The following GTF2H3 variants were observed in gnomAD, a reference collection of about 807,000 sequenced individuals.
GTF2H3 encodes general transcription factor IIH subunit 3.
In GTF2H3, 42 loss-of-function variants were observed where a neutral mutation model predicts 51.1. That is an observed-to-expected ratio of 0.82 (90% CI 0.64 to 1.06). The LOEUF (loss-of-function observed/expected upper bound fraction) is 1.06. Ranked by LOEUF, GTF2H3 falls within the 50% of genes least tolerant of loss-of-function variation. The pLI, the probability that GTF2H3 is intolerant of heterozygous loss-of-function variation, is 0.00. For synonymous variants in GTF2H3, 123 were observed against 123.8 expected (o/e 0.99, Z 0.04); for missense variants, 326 against 366.1 (o/e 0.89, Z 0.89).
At chr12:123,639,515 A>G (rs368441547) in intron 2 of GTF2H3, among the ~76,000 whole-genome samples, 172 bp downstream of exon 2, 1 of 152,098 alleles carries the variant, frequency 6.6e-6, no homozygotes, top group Non-Finnish European at 1.5e-5. Context: ...CCAGCCCCAC[A>G]TTTCTGCTTT....
At chr12:123,642,298 G>A (rs2135782780) in intron 2 of GTF2H3, among the ~76,000 whole-genome samples, 1 of 152,142 alleles carries the variant, frequency 6.6e-6, no homozygotes, top group African/African-American at 2.4e-5. Context: ...AGCCTCCCGA[G>A]TAGCTGGTAT....
Position 123,661,935 on chromosome 12 carries a change from TG to T in GTF2H3, c.*1702del, listed in dbSNP as rs1309605877. On this transcript the variant is annotated 3_prime_UTR_variant, in exon 13 of 13. Transcript: ENST00000543341. The stretch of plus-strand genomic sequence containing the variant: ...AAATTTGAGACCATCCTGCCCAACG[TG>T]GTGAAAACATGGTGAAACCCTGTCT... The T allele has an allele frequency of 3.3e-5, 5 of 151,680 alleles. No individual in the cohort carries two copies. The highest frequency in any genetic ancestry group is 7.4e-5 in the Non-Finnish European group (5 of 67,964). The allele number at this position is 151,680 out of a possible 1,614,324, so 9.4% of individuals were successfully genotyped here. A position where few individuals can be genotyped will look rare whatever the true frequency, so the allele number is the denominator to read the frequency against.
chr12:123,639,472 ATTTTT>A (rs569121685), intron 2 of GTF2H3, 129 bp downstream of exon 2: 1 of 550,362 alleles, frequency 1.8e-6, no homozygotes, highest in Non-Finnish European at 3.3e-6. Context: ...CAATTCAGTG[ATTTTT>A]TTTAAGTAAA....
chr12:123,647,382 G>A (rs11615162), intron 3 of GTF2H3, among the ~76,000 whole-genome samples: 45,593 of 151,362 alleles, frequency 0.3, 7,498 homozygotes, highest in Non-Finnish European at 0.38. Context: ...TGAGGCACGA[G>A]AATCACTTGA....
At chr12:123,652,897 G>A (rs1487981238) in intron 7 of GTF2H3, among the ~76,000 whole-genome samples, 162 bp downstream of exon 7, 3 of 152,070 alleles carry the variant, frequency 2.0e-5, no homozygotes, top group African/African-American at 7.2e-5. Context: ...GGCCAACATG[G>A]TGAAACCCCG....
At chr12:123,645,720 T>C (rs1419870963) in intron 3 of GTF2H3, among the ~76,000 whole-genome samples, 159 bp downstream of exon 3, 5 of 152,252 alleles carry the variant, frequency 3.3e-5, no homozygotes, top group South Asian at 2.1e-4. Flanking sequence ...TACATTGTGA[T>C]ATCCATGAAA....
chr12:123,634,432 C>T (rs142802285), intron 1 of GTF2H3, among the ~76,000 whole-genome samples: 2 of 152,094 alleles, frequency 1.3e-5, no homozygotes, highest in Admixed American at 1.3e-4. Context: ...CAGGGCATGA[C>T]CTCGTCAATA....
intron 5 of GTF2H3, chr12:123,651,297 G>C (rs913366863): frequency 6.1e-6 from 2 of 329,084 alleles, no homozygotes; most frequent in Non-Finnish European, 1.1e-5. Context: ...TGCAACCTTC[G>C]CCTCCCAGAT....
At chr12:123,654,367 TG>T (rs1475153854) in intron 7 of GTF2H3, among the ~76,000 whole-genome samples, 1 of 151,724 alleles carries the variant, frequency 6.6e-6, no homozygotes, top group Non-Finnish European at 1.5e-5. Flanking sequence ...TGTGTACTTT[TG>T]GGGTACGTGT....
chr12:123,650,920 C>A, intron 4 of GTF2H3, 74 bp from the exon 5 acceptor site: 1 of 913,630 alleles, frequency 1.1e-6, no homozygotes, highest in South Asian at 1.4e-5. Flanking sequence ...ATACTTAGTT[C>A]AATAAAGCAC....
At chr12:123,655,484 T>C (rs915429005) in intron 8 of GTF2H3, 6 of 377,932 alleles carry the variant, frequency 1.6e-5, no homozygotes, top group Non-Finnish European at 2.8e-5. Flanking sequence ...GCTATAGCCA[T>C]GCATAATGTT....
intron 4 of GTF2H3, chr12:123,649,186 T>TC (rs1190508339): frequency 6.6e-6 from 1 of 152,150 alleles, no homozygotes; most frequent in East Asian, 1.9e-4. Flanking sequence ...CAGGCTTGTC[T>TC]CCAACTCCTG....
At chr12:123,633,911 C>T (rs772047192) in intron 1 of GTF2H3, 39 bp downstream of exon 1, 7 of 1,608,348 alleles carry the variant, frequency 4.4e-6, no homozygotes, top group Admixed American at 1.7e-5. Context: ...CTCCGGGGCT[C>T]GGCTGTCTCG....
At chr12:123,645,874 G>T (rs1161768127) in intron 3 of GTF2H3, among the ~76,000 whole-genome samples, 1 of 152,234 alleles carries the variant, frequency 6.6e-6, no homozygotes, top group Non-Finnish European at 1.5e-5. Context: ...TTCCCATTTT[G>T]TGTCTGCCCC....
chr12:123,653,074 G>C (rs1194498212), intron 7 of GTF2H3, among the ~76,000 whole-genome samples: 2 of 151,748 alleles, frequency 1.3e-5, no homozygotes, highest in Non-Finnish European at 2.9e-5. Flanking sequence ...TAGCCTGGGT[G>C]ACAGAGTGAG....
chr12:123,655,067 C>A, intron 8 of GTF2H3, 69 bp downstream of exon 8: 1 of 1,178,628 alleles, frequency 8.5e-7, no homozygotes, highest in Admixed American at 1.7e-5. Flanking sequence ...TTTTTGAATG[C>A]TCTACTCTGA....
At position 123,652,737 on chromosome 12, in the gene GTF2H3, T is replaced by C. The variant is rs1223019644; in HGVS notation, c.486+2T>C. 1 of 1,490,654 alleles carries C rather than the reference T, an allele frequency of 6.7e-7. No individual in the cohort carries two copies. The highest frequency in any genetic ancestry group is 2.3e-5 in the Admixed American group (1 of 44,272). 92.3% of individuals were successfully genotyped at this position (1,490,654 alleles called of 1,614,324 possible). On this transcript the variant is annotated splice_donor_variant, in intron 7 of 12. Transcript: ENST00000543341. LOFTEE classifies it high-confidence loss of function. Reference sequence around the variant, plus strand: ...CAGGAAATGAAATCAAGGATATTGGTAAGATAAAAAAATCATTACTTTTTT... The same window carrying C: ...CAGGAAATGAAATCAAGGATATTGGCAAGATAAAAAAATCATTACTTTTTT...
At chr12:123,644,997 G>A (rs1408413807) in intron 2 of GTF2H3, among the ~76,000 whole-genome samples, 1 of 152,176 alleles carries the variant, frequency 6.6e-6, no homozygotes, top group Non-Finnish European at 1.5e-5. Context: ...AAGTGTTTTT[G>A]TTTATGGCTT....
chr12:123,639,677 G>A (rs1955339885), intron 2 of GTF2H3, among the ~76,000 whole-genome samples: 1 of 152,016 alleles, frequency 6.6e-6, no homozygotes, highest in African/African-American at 2.4e-5. Flanking sequence ...ACAATATGTG[G>A]TCTTAAAAAA....
Sources: gnomAD v4.1 joint callset for allele counts (sites outside exome capture counted in the v4.1 genomes callset) on GRCh38, gnomAD v4.1.1 for gene constraint, MANE v1.5 for transcripts, NCBI Gene and HGNC (gene_info 2026-07-23, HGNC 2026-07-21) for gene names.